CLHC1: variants seen among roughly 807,000 people sequenced by gnomAD.
CLHC1 encodes the protein clathrin heavy chain linker domain-containing protein 1.
In CLHC1, 72 loss-of-function variants were observed where a neutral mutation model predicts 69.5. That is an observed-to-expected ratio of 1.04 (90% CI 0.86 to 1.26). The LOEUF is 1.26. Ranked by LOEUF, CLHC1 falls within the 50% of genes most tolerant of loss-of-function variation. The probability of loss-of-function intolerance (pLI) is 0.00; values close to 1 mark genes in which losing one functional copy is unlikely to be tolerated. For synonymous variants in CLHC1, 223 were observed against 224.3 expected (o/e 0.99, Z 0.05); for missense variants, 790 against 679.3 (o/e 1.16, Z -1.81).
chr2:55,210,622 CTG>C (rs956679587), intron 5 of CLHC1, among the ~76,000 whole-genome samples: 9 of 152,228 alleles, frequency 5.9e-5, no homozygotes, highest in African/African-American at 1.9e-4. Flanking sequence ...GTAAATATCA[CTG>C]TTACTCAGTA....
chr2:55,195,255 G>A (rs1301997341), intron 9 of CLHC1, among the ~76,000 whole-genome samples: 1 of 151,934 alleles, frequency 6.6e-6, no homozygotes, highest in East Asian at 1.9e-4. Context: ...AACTTTTTTG[G>A]ATTCCACATA....
chr2:55,222,844 C>T lies in CLHC1; in HGVS notation c.-82-351G>A, dbSNP rs550932250. Among the ~76,000 whole-genome samples the T allele has an allele frequency of 2.6e-5, 4 of 151,124 alleles. No homozygotes were observed. In the South Asian group the frequency reaches 8.3e-4, roughly 31 times the overall value. On this transcript the variant is annotated intron_variant, in intron 2 of 12. Transcript: ENST00000401408. ...GCTGAGGCAGGAGGATCGCTTGAAC[C>T]CCGGAGGCGGAGTTGCGGTGAGCCG...
At chr2:55,183,938 G>A (rs1203398992) in intron 9 of CLHC1, among the ~76,000 whole-genome samples, 3 of 151,814 alleles carry the variant, frequency 2.0e-5, no homozygotes, top group African/African-American at 7.3e-5. Flanking sequence ...GTGCTACCAC[G>A]CCCGGCTAAT....
intron 2 of CLHC1, among the ~76,000 whole-genome samples, chr2:55,226,559 T>C (rs1573795605): frequency 6.6e-6 from 1 of 152,372 alleles, no homozygotes; most frequent in East Asian, 1.9e-4. Flanking sequence ...TTTTAAAACA[T>C]GACTTCTAAA....
chr2:55,214,918 T>C (rs114068897), intron 4 of CLHC1: 199 of 152,344 alleles, frequency 1.3e-3, no homozygotes, highest in African/African-American at 4.7e-3. Context: ...CGAGAAAGTA[T>C]CTAATTTTTG....
rs369589875 is a variant in CLHC1, at chr2:55,180,523, C to T, written c.1371G>A (p.Lys457=). The change falls in exon 11 of 13, where the codon AAG becomes AAA. Residue 457 remains lysine (K), a synonymous_variant. Transcript: ENST00000401408. ...HRVMEYIQQL[K]DFTTDDLLQL... ...TTTTTAACTTACCGGTAGTAAAGTC[C>T]TTCAACTGCTGTATGTACTCCATGA... 2.5e-5 allele frequency: 41 copies of T among 1,613,238 alleles called. No homozygotes were observed. Among genetic ancestry groups the T allele is most frequent in the Non-Finnish European group, 3.4e-5 (40 of 1,179,444 alleles).
intron 9 of CLHC1, among the ~76,000 whole-genome samples, chr2:55,203,951 A>G (rs1672197732): frequency 6.6e-6 from 1 of 152,212 alleles, no homozygotes; most frequent in Non-Finnish European, 1.5e-5. Context: ...AGGAGCTCAA[A>G]CAACTCCATA....
chr2:55,200,923 CT>C (rs1233662174), intron 9 of CLHC1, among the ~76,000 whole-genome samples: 3 of 152,092 alleles, frequency 2.0e-5, no homozygotes, highest in South Asian at 2.1e-4. Flanking sequence ...ACGCTCCTGA[CT>C]GACCATACAC....
In CLHC1 at chr2:55,202,992, A is replaced by T. The variant is rs148711098; in HGVS notation, c.1006+3278T>A. Among the ~76,000 whole-genome samples, 361 of 152,270 alleles carry T rather than the reference A, an allele frequency of 2.4e-3. 2 individuals carry two copies. Among genetic ancestry groups the T allele is most frequent in the African/African-American group, 7.7e-3 (319 of 41,554 alleles). On this transcript the variant is annotated intron_variant, in intron 9 of 12. Transcript: ENST00000401408. The stretch of plus-strand genomic sequence containing the variant: ...AAAAATCAGTGCATTTCTATATGCC[A>T]ACAACAAACAATCTGAAAAAGAAAT...
intron 11 of CLHC1, among the ~76,000 whole-genome samples, chr2:55,178,371 G>A (rs901178330): frequency 6.6e-6 from 1 of 152,236 alleles, no homozygotes. Context: ...GGAACCATAT[G>A]AAGTTTCCTA....
In CLHC1 at chr2:55,217,956, T is replaced by C. The variant is rs73936960; in HGVS notation, c.220A>G (p.Ile74Val). Residue 74 changes from isoleucine (I) to valine (V), a missense_variant, in exon 4 of 13, where the codon ATC (isoleucine) becomes GTC (valine). Coordinates refer to ENST00000401408, the MANE Select transcript of CLHC1 (RefSeq NM_152385.4). ...ATAAAGGCATCATATTCTTTTTTGATTGAAGTAAGAATGGATTTGTATGCA... is the reference window on the plus strand; with the variant it reads ...ATAAAGGCATCATATTCTTTTTTGACTGAAGTAAGAATGGATTTGTATGCA... ...ITAYKSILTS[I>V]KKEYDAFIET... 7.4e-4 allele frequency: 1,165 copies of C among 1,584,080 alleles called. 8 individuals are homozygous for C. In the African/African-American group the frequency reaches 0.014, roughly 20 times the overall value.
chr2:55,196,918 G>C (rs1000115493), intron 9 of CLHC1, among the ~76,000 whole-genome samples: 1 of 152,180 alleles, frequency 6.6e-6, no homozygotes, highest in Non-Finnish European at 1.5e-5. Context: ...CCAGCACTTC[G>C]TTCTTGGATG....
intron 9 of CLHC1, among the ~76,000 whole-genome samples, chr2:55,190,489 CTG>C (rs1377948972): frequency 2.6e-5 from 4 of 152,138 alleles, no homozygotes; most frequent in Non-Finnish European, 4.4e-5. Flanking sequence ...GTTATTATAA[CTG>C]TATTATTTCA....
intron 8 of CLHC1, among the ~76,000 whole-genome samples, 197 bp from the exon 9 acceptor site, chr2:55,206,573 T>C (rs1240760183): frequency 6.6e-6 from 1 of 152,164 alleles, no homozygotes; most frequent in African/African-American, 2.4e-5. Context: ...TCTGTTGGGT[T>C]TTTTTTAAGT....
chr2:55,198,499 C>T (rs971982462), intron 9 of CLHC1, among the ~76,000 whole-genome samples: 12 of 152,082 alleles, frequency 7.9e-5, no homozygotes, highest in African/African-American at 9.7e-5. Flanking sequence ...CCAGGAGAAT[C>T]GCTTGAACCC....
chr2:55,184,226 C>T (rs990552247), intron 9 of CLHC1, among the ~76,000 whole-genome samples: 2 of 151,968 alleles, frequency 1.3e-5, no homozygotes, highest in African/African-American at 4.8e-5. Context: ...CCACTTCAGC[C>T]TCCTGGGTAG....
chr2:55,230,734 T>G (rs1371512590), intron 1 of CLHC1, among the ~76,000 whole-genome samples: 2 of 152,120 alleles, frequency 1.3e-5, no homozygotes, highest in African/African-American at 4.8e-5. Flanking sequence ...TGAGCAACTG[T>G]GTCAAATACT....
chr2:55,228,336 TA>T (rs1326592438), intron 1 of CLHC1, 132 bp from the exon 2 acceptor site: 4 of 152,254 alleles, frequency 2.6e-5, no homozygotes. Flanking sequence ...GAATAATCAA[TA>T]ATCACTGAAC....
intron 9 of CLHC1, among the ~76,000 whole-genome samples, chr2:55,190,824 C>T (rs1258761391): frequency 6.6e-6 from 1 of 152,004 alleles, no homozygotes; most frequent in African/African-American, 2.4e-5. Flanking sequence ...AAAATAATGG[C>T]TATGTATTTT....
Sources: allele counts gnomAD v4.1 joint callset (sites outside exome capture counted in the v4.1 genomes callset), GRCh38; gene constraint gnomAD v4.1.1; transcripts MANE v1.5; gene names NCBI Gene and HGNC (gene_info 2026-07-23, HGNC 2026-07-21).